The following TEKT5 variants were observed in gnomAD, a reference collection of about 807,000 sequenced individuals.
The protein encoded by TEKT5 is tektin-5.
A neutral mutation model predicts 48.7 loss-of-function variants in TEKT5; 52 were observed. The observed-to-expected ratio is 1.07, with a 90% CI of 0.86 to 1.35. TEKT5 has a LOEUF of 1.35. TEKT5 is among the 40% of genes most tolerant of loss of function. The pLI, the probability that TEKT5 is intolerant of heterozygous loss-of-function variation, is 0.00. For missense variants in TEKT5, 831 were observed against 641.6 expected (o/e 1.30, Z -3.19); for synonymous variants, 318 against 267.6 (o/e 1.19, Z -1.84).
At chr16:10,648,387 G>A (rs1339998419) in intron 5 of TEKT5, among the ~76,000 whole-genome samples, 3 of 151,768 alleles carry the variant, frequency 2.0e-5, no homozygotes, top group Non-Finnish European at 2.9e-5. Flanking sequence ...GAGTGATCTC[G>A]GCTCACTGCA....
In TEKT5 at chr16:10,627,775, G is replaced by C; in HGVS notation, c.1266C>G (p.Ile422Met). Residue 422 changes from isoleucine to methionine, a missense_variant, in exon 7 of 7, where the codon ATC (isoleucine) becomes ATG (methionine). Transcript: ENST00000283025. The part of the protein sequence containing the change: ...QLKLVNEVFT[I>M]DDTLQTLKLR... Reference sequence around the variant, plus strand: ...GCTTGAGGGTCTGCAGGGTGTCGTCGATGGTGAACACCTCGTTCACCAGCC... The same window carrying C: ...GCTTGAGGGTCTGCAGGGTGTCGTCCATGGTGAACACCTCGTTCACCAGCC... 1 of 1,614,186 alleles carries C rather than the reference G, an allele frequency of 6.2e-7. No homozygotes were observed. Among genetic ancestry groups the C allele is most frequent in the Non-Finnish European group, 8.5e-7 (1 of 1,180,036 alleles).
At chr16:10,634,842 A>G (rs929346945) in intron 6 of TEKT5, among the ~76,000 whole-genome samples, 1 of 152,146 alleles carries the variant, frequency 6.6e-6, no homozygotes, top group African/African-American at 2.4e-5. Flanking sequence ...TTGGATGTGG[A>G]ACCTTCCCCA....
chr16:10,635,613 C>T lies in TEKT5; in HGVS notation c.1241+151G>A. The T allele has an allele frequency of 1.6e-6, 2 of 1,236,562 alleles. 1 individual carries two copies. The highest frequency in any genetic ancestry group is 2.9e-5 in the South Asian group (2 of 68,402). 76.6% of individuals were successfully genotyped at this position (1,236,562 alleles called of 1,614,324 possible). A position where few individuals can be genotyped will look rare whatever the true frequency, so the allele number is the denominator to read the frequency against. ...CTGCATCTCAGAACTCCACCCACAC[C>T]CTGCACTCTACTGAGTTGTGGGACT... On this transcript the variant is annotated intron_variant, in intron 6 of 6. Transcript: ENST00000283025.
chr16:10,641,732 G>A (rs149319213), intron 5 of TEKT5, among the ~76,000 whole-genome samples: 4 of 152,204 alleles, frequency 2.6e-5, no homozygotes, highest in Non-Finnish European at 5.9e-5. Flanking sequence ...TGAGGCAGGA[G>A]CATCACCTGA....
Position 10,627,860 on chromosome 16 carries a change from T to C in TEKT5, c.1242-61A>G, listed in dbSNP as rs1897776958. 2.7e-6 allele frequency: 4 copies of C among 1,491,142 alleles called. No individual in the cohort carries two copies. The South Asian group carries it at 4.8e-5, about 18-fold the overall frequency. 92.4% of individuals were successfully genotyped at this position (1,491,142 alleles called of 1,614,324 possible). A position where few individuals can be genotyped will look rare whatever the true frequency, so the allele number is the denominator to read the frequency against. ...CATTTATTTTTATTTGTTTATTTTT[T>C]GAGACAGAGTCTCACTCTGTCACCC... On this transcript the variant is annotated intron_variant, in intron 6 of 6. Coordinates refer to ENST00000283025, the MANE Select transcript of TEKT5 (RefSeq NM_144674.2).
chr16:10,643,883 A>G (rs1024667341), intron 5 of TEKT5, among the ~76,000 whole-genome samples: 1 of 152,102 alleles, frequency 6.6e-6, no homozygotes, highest in Non-Finnish European at 1.5e-5. Flanking sequence ...TACTAAAAAT[A>G]GAAAAAAAAT....
At chr16:10,633,359 A>T (rs78082805) in intron 6 of TEKT5, among the ~76,000 whole-genome samples, 1 of 151,530 alleles carries the variant, frequency 6.6e-6, no homozygotes, top group Non-Finnish European at 1.5e-5. Context: ...AGACTCAATT[A>T]AAAAAAAACT....
At chr16:10,673,173 G>A (rs1898579207) in intron 5 of TEKT5, among the ~76,000 whole-genome samples, 1 of 152,232 alleles carries the variant, frequency 6.6e-6, no homozygotes, top group African/African-American at 2.4e-5. Context: ...GCCACCCAGA[G>A]ATGGTGAGTG....
At chr16:10,682,283 C>T (rs1596417817) in intron 3 of TEKT5, 147 bp from the exon 4 acceptor site, 1 of 810,136 alleles carries the variant, frequency 1.2e-6, no homozygotes, top group East Asian at 2.5e-5. Flanking sequence ...CATGTCCCAC[C>T]ACATACCCAG....
rs746561879 is a variant in TEKT5, at chr16:10,694,609, A to C, written c.265T>G (p.Tyr89Asp). The C allele has an allele frequency of 5.6e-6, 9 of 1,610,960 alleles. No homozygotes were observed. Among genetic ancestry groups the C allele is most frequent in the Non-Finnish European group, 7.6e-6 (9 of 1,178,398 alleles). Reference protein sequence around the residue: ...PTLRSALFSRYSPHDWDQSNQ... With the variant: ...PTLRSALFSRDSPHDWDQSNQ... Reference sequence around the variant, plus strand: ...GACTGGTCCCAGTCGTGGGGGCTATAGCGAGAGAAGAGTGCGGAGCGCAGT... The same window carrying C: ...GACTGGTCCCAGTCGTGGGGGCTATCGCGAGAGAAGAGTGCGGAGCGCAGT... The change falls in exon 1 of 7, where the codon TAT (tyrosine) becomes GAT (aspartate). Residue 89 changes from tyrosine to aspartate, a missense_variant. Coordinates refer to ENST00000283025, the MANE Select transcript of TEKT5 (RefSeq NM_144674.2).
chr16:10,644,139 A>G (rs1596403174), intron 5 of TEKT5, among the ~76,000 whole-genome samples: 2 of 152,310 alleles, frequency 1.3e-5, no homozygotes, highest in East Asian at 3.9e-4. Context: ...CTTGCACTGT[A>G]TTTCTAATGG....
chr16:10,659,531 C>G (rs577607600), intron 5 of TEKT5, among the ~76,000 whole-genome samples: 1 of 152,118 alleles, frequency 6.6e-6, no homozygotes, highest in East Asian at 1.9e-4. Context: ...AGGTGCCCAC[C>G]ACCACACTTG....
chr16:10,631,000 G>C (rs190363388), intron 6 of TEKT5, among the ~76,000 whole-genome samples: 1 of 152,008 alleles, frequency 6.6e-6, no homozygotes, highest in African/African-American at 2.4e-5. Context: ...TTGAGGTAGA[G>C]AGTTTGAGAC....
chr16:10,652,682 GACACACACACACACACACACACACAC>G (rs1187367332), intron 5 of TEKT5, among the ~76,000 whole-genome samples: 2 of 7,626 alleles, frequency 2.6e-4, no homozygotes, highest in African/African-American at 7.9e-4. Flanking sequence ...TACACAGGCA[GACACACACACACACACACACACACAC>G]ACACACACAC....
intron 6 of TEKT5, among the ~76,000 whole-genome samples, chr16:10,632,869 GACACACACACACACACACAC>G (rs35503579): frequency 2.3e-5 from 3 of 131,646 alleles, no homozygotes; most frequent in Non-Finnish European, 5.0e-5. Flanking sequence ...CACAGATGCA[GACACACACACACACACACAC>G]ACACACACAC....
chr16:10,636,567 AGAGGAAGGGAAG>A (rs1197639028), intron 5 of TEKT5, among the ~76,000 whole-genome samples: 1 of 151,900 alleles, frequency 6.6e-6, no homozygotes, highest in African/African-American at 2.4e-5. Flanking sequence ...AAGAAGAGGG[AGAGGAAGGGAAG>A]GAGGAAGGCA....
intron 5 of TEKT5, 127 bp downstream of exon 5, chr16:10,675,832 C>T: frequency 1.1e-6 from 1 of 898,560 alleles, no homozygotes; most frequent in Non-Finnish European, 1.8e-6. Flanking sequence ...AGACCACAGA[C>T]CTTGGGAGAG....
At chr16:10,693,283 T>C (rs1306105791) in intron 1 of TEKT5, among the ~76,000 whole-genome samples, 5 of 152,106 alleles carry the variant, frequency 3.3e-5, no homozygotes, top group Non-Finnish European at 7.4e-5. Flanking sequence ...TTAGTAGAAA[T>C]GGGGTTTCAT....
intron 5 of TEKT5, among the ~76,000 whole-genome samples, chr16:10,652,836 GACACACACACACACACAC>G (rs572998899): frequency 5.1e-5 from 1 of 19,662 alleles, no homozygotes; most frequent in African/African-American, 3.0e-4. Context: ...TACACAGGCA[GACACACACACACACACAC>G]ACACACACAC....
Sources: allele counts gnomAD v4.1 joint callset (sites outside exome capture counted in the v4.1 genomes callset), GRCh38; gene constraint gnomAD v4.1.1; transcripts MANE v1.5; gene names NCBI Gene and HGNC (gene_info 2026-07-23, HGNC 2026-07-21).